The following BAZ1A variants were observed in gnomAD, a reference collection of about 807,000 sequenced individuals.
BAZ1A encodes the protein bromodomain adjacent to zinc finger domain protein 1A.
Under a neutral mutation model 185.2 loss-of-function variants are expected in BAZ1A, and 50 were observed. The ratio of observed to expected loss-of-function variants is 0.27; its 90% CI spans 0.22 to 0.34. The LOEUF (loss-of-function observed/expected upper bound fraction) is 0.34, where lower values mean the gene tolerates loss of function less well. BAZ1A is among the 10% of genes least tolerant of loss of function. The pLI, the probability that BAZ1A is intolerant of heterozygous loss-of-function variation, is 1.00. For missense variants in BAZ1A, 1,356 were observed against 1,839.9 expected, an observed-to-expected ratio of 0.74 and a Z score of 4.81; for synonymous variants, 571 against 615.6, an observed-to-expected ratio of 0.93 and a Z score of 1.07.
intron 20 of BAZ1A, 45 bp downstream of exon 20, chr14:34,773,527 A>G (rs1312163658): frequency 4.7e-6 from 7 of 1,494,340 alleles, no homozygotes; most frequent in Non-Finnish European, 6.3e-6. Context: ...AAACCTTAAA[A>G]TGGCAAGGAA....
rs140945771 is a variant in BAZ1A, at chr14:34,865,946, G to A, written c.114-3624C>T. Among the ~76,000 whole-genome samples, 1,109 of 152,164 alleles carry A rather than the reference G, an allele frequency of 7.3e-3. 14 individuals are homozygous for A. The highest frequency in any genetic ancestry group is 0.025 in the African/African-American group (1,037 of 41,490). The stretch of plus-strand genomic sequence containing the variant: ...CTCATGCCTGTAATCCCAGCACTTC[G>A]GCAGGCTGAGGCAGGAGGATCACTT... On this transcript the variant is annotated intron_variant, in intron 2 of 26. Transcript: ENST00000360310.
chr14:34,818,942 C>T (rs913941151), intron 4 of BAZ1A, among the ~76,000 whole-genome samples: 3 of 151,740 alleles, frequency 2.0e-5, no homozygotes, highest in African/African-American at 4.8e-5. Flanking sequence ...GAGATCGAGA[C>T]CATCCTGGCT....
intron 21 of BAZ1A, 35 bp from the exon 22 acceptor site, chr14:34,765,303 A>G (rs766951291): frequency 6.2e-7 from 1 of 1,602,096 alleles, no homozygotes; most frequent in Admixed American, 1.7e-5. Context: ...ACAATTTTTT[A>G]GGCAAACCTA....
At chr14:34,844,502 C>A (rs1024351094) in intron 3 of BAZ1A, among the ~76,000 whole-genome samples, 1 of 151,894 alleles carries the variant, frequency 6.6e-6, no homozygotes, top group Non-Finnish European at 1.5e-5. Flanking sequence ...ATTGGCTGGA[C>A]GTAGTGGCTC....
intron 3 of BAZ1A, among the ~76,000 whole-genome samples, chr14:34,843,339 G>A (rs1301310116): frequency 6.6e-6 from 1 of 152,142 alleles, no homozygotes; most frequent in Non-Finnish European, 1.5e-5. Flanking sequence ...CAAACATACA[G>A]CACGCTGAGG....
chr14:34,775,367 T>C (rs1443237873), intron 18 of BAZ1A, among the ~76,000 whole-genome samples: 1 of 152,242 alleles, frequency 6.6e-6, no homozygotes, highest in Non-Finnish European at 1.5e-5. Flanking sequence ...AGGAGACAAG[T>C]AAGCAATTCT....
At chr14:34,846,821 C>T (rs2042519664) in intron 3 of BAZ1A, among the ~76,000 whole-genome samples, 1 of 152,016 alleles carries the variant, frequency 6.6e-6, no homozygotes, top group African/African-American at 2.4e-5. Flanking sequence ...AACTTAGATT[C>T]CAGAGAAAGA....
rs193056034 is a variant in BAZ1A at position 34,796,546 on chromosome 14, G to T, written c.1129-781C>A. Reference sequence around the variant, plus strand: ...TAAAAGCAACAATATTAGAATAGATGGACTTATTTCTTATAATTCAGGCTA... The same window carrying T: ...TAAAAGCAACAATATTAGAATAGATTGACTTATTTCTTATAATTCAGGCTA... On this transcript the variant is annotated intron_variant, in intron 9 of 26. Coordinates refer to ENST00000360310, the MANE Select transcript of BAZ1A (RefSeq NM_013448.3). Among the ~76,000 whole-genome samples, 846 of 152,120 alleles carry T rather than the reference G, an allele frequency of 5.6e-3. 8 individuals are homozygous for T. The highest frequency in any genetic ancestry group is 0.02 in the African/African-American group (815 of 41,502).
chr14:34,853,036 T>C (rs1173995267), intron 3 of BAZ1A, among the ~76,000 whole-genome samples: 1 of 141,472 alleles, frequency 7.1e-6, no homozygotes, highest in Non-Finnish European at 1.6e-5. Flanking sequence ...AATAAATACA[T>C]GTTGAACAAT....
intron 4 of BAZ1A, among the ~76,000 whole-genome samples, chr14:34,816,080 C>CTTTTTTT (rs35830800): frequency 1.7e-3 from 137 of 79,402 alleles, no homozygotes; most frequent in Non-Finnish European, 2.0e-3. Context: ...TATTCCAGAC[C>CTTTTTTT]TTTTTTTTTT....
chr14:34,778,954 A>G (rs1489878324), intron 17 of BAZ1A, among the ~76,000 whole-genome samples: 1 of 152,190 alleles, frequency 6.6e-6, no homozygotes, highest in Non-Finnish European at 1.5e-5. Context: ...TCCCAGGCTC[A>G]AGTGACCCTC....
chr14:34,754,426 A>AAAAAAAG lies in BAZ1A; in HGVS notation c.4474+394_4474+400dup, dbSNP rs1555336277. Among the ~76,000 whole-genome samples, 889 of 122,566 alleles carry AAAAAAAG rather than the reference A, an allele frequency of 7.3e-3. 16 individuals carry two copies. The highest frequency in any genetic ancestry group is 8.9e-3 in the Admixed American group (84 of 9,424). 80.4% of individuals were successfully genotyped at this position (122,566 alleles called of 152,430 possible). A position where few individuals can be genotyped will look rare whatever the true frequency, so the allele number is the denominator to read the frequency against. ...AGAGTGAGACGTATCTCAAAAAAAA[A>AAAAAAAG]AAAAAAGAAAAAAGAAAAAGAAGAA... On this transcript the variant is annotated intron_variant, in intron 26 of 26. Coordinates refer to ENST00000360310, the MANE Select transcript of BAZ1A (RefSeq NM_013448.3).
intron 10 of BAZ1A, 82 bp from the exon 11 acceptor site, chr14:34,794,969 A>T (rs1881102026): frequency 1.3e-6 from 2 of 1,517,890 alleles, no homozygotes; most frequent in South Asian, 2.6e-5. Context: ...CTTTTTACCT[A>T]ACTATTAAGA....
chr14:34,791,148 A>AAGAG (rs1555339956), intron 12 of BAZ1A, among the ~76,000 whole-genome samples: 6 of 151,434 alleles, frequency 4.0e-5, no homozygotes. Flanking sequence ...AGAGAAGAGA[A>AAGAG]AAGAGAAGAG....
At chr14:34,768,710 T>G (rs553264733) in intron 21 of BAZ1A, 2 of 426,070 alleles carry the variant, frequency 4.7e-6, no homozygotes, top group African/African-American at 4.2e-5. Flanking sequence ...ACTAGATAGA[T>G]CTTCCTCTCT....
chr14:34,755,330 C>G (rs1457612966), intron 25 of BAZ1A, among the ~76,000 whole-genome samples: 1 of 152,156 alleles, frequency 6.6e-6, no homozygotes, highest in Non-Finnish European at 1.5e-5. Flanking sequence ...CTCTAGAAGT[C>G]TCAAAGTAGA....
chr14:34,791,862 A>G (rs914916505), intron 12 of BAZ1A, among the ~76,000 whole-genome samples: 1 of 152,234 alleles, frequency 6.6e-6, no homozygotes, highest in Non-Finnish European at 1.5e-5. Context: ...TCCTAAACAA[A>G]ATAGTGAACA....
intron 17 of BAZ1A, among the ~76,000 whole-genome samples, chr14:34,778,801 G>C (rs769792285): frequency 6.6e-6 from 1 of 152,044 alleles, no homozygotes; most frequent in African/African-American, 2.4e-5. Flanking sequence ...GGTTTGTCTA[G>C]TTTGTCTTTC....
At chr14:34,771,351 A>G in intron 21 of BAZ1A, 160 bp downstream of exon 21, 1 of 734,032 alleles carries the variant, frequency 1.4e-6, no homozygotes, top group Non-Finnish European at 2.2e-6. Flanking sequence ...TATTCTAAAA[A>G]TAAATCTCAC....
Sources: gnomAD v4.1 joint callset for allele counts (sites outside exome capture counted in the v4.1 genomes callset) on GRCh38, gnomAD v4.1.1 for gene constraint, MANE v1.5 for transcripts, NCBI Gene and HGNC (gene_info 2026-07-23, HGNC 2026-07-21) for gene names.